The following RPS6KA5 variants were observed in gnomAD, a reference collection of about 807,000 sequenced individuals.
RPS6KA5 encodes the protein ribosomal protein S6 kinase A5, also known as ribosomal protein S6 kinase alpha-5.
In RPS6KA5, 27 loss-of-function variants were observed where a neutral mutation model predicts 85.5. That is an observed-to-expected ratio of 0.32 (90% CI 0.23 to 0.44). The LOEUF is 0.44. Among genes scored for constraint, RPS6KA5 ranks in the 20% least tolerant of loss-of-function variants. The pLI, the probability that RPS6KA5 is intolerant of heterozygous loss-of-function variation, is 1.00. For missense variants in RPS6KA5, 811 were observed against 980.9 expected (o/e 0.83, Z 2.31); for synonymous variants, 334 against 348.2 (o/e 0.96, Z 0.46).
chr14:91,030,694 A>G (rs1942708211), intron 1 of RPS6KA5, among the ~76,000 whole-genome samples: 1 of 151,594 alleles, frequency 6.6e-6, no homozygotes, highest in Non-Finnish European at 1.5e-5. Context: ...AACTTCATAA[A>G]AAGTATAATT....
intron 7 of RPS6KA5, among the ~76,000 whole-genome samples, chr14:90,913,944 T>C (rs551654330): frequency 6.6e-6 from 1 of 152,148 alleles, no homozygotes; most frequent in Non-Finnish European, 1.5e-5. Context: ...GACAAGATTA[T>C]CACCCAAAAT....
At chr14:90,998,366 G>T (rs1482744606) in intron 2 of RPS6KA5, among the ~76,000 whole-genome samples, 1 of 152,194 alleles carries the variant, frequency 6.6e-6, no homozygotes, top group Non-Finnish European at 1.5e-5. Context: ...AATATGGTAC[G>T]TGAGTTATAT....
intron 5 of RPS6KA5, among the ~76,000 whole-genome samples, chr14:90,927,725 C>A (rs1046744869): frequency 6.6e-6 from 1 of 151,950 alleles, no homozygotes; most frequent in Non-Finnish European, 1.5e-5. Flanking sequence ...ATGGAGAGAT[C>A]TTCAAGGAGA....
Position 90,849,213 on chromosome 14 carries a change from C to T in RPS6KA5, c.*22861G>A, listed in dbSNP as rs1190183442. The stretch of plus-strand genomic sequence containing the variant: ...TCTGAGGAGGATGAATTAGCTACTG[C>T]TTATCAGGCAACTAACAGAGCCGGC... On this transcript the variant is annotated 3_prime_UTR_variant, in exon 17 of 17. Coordinates refer to ENST00000614987, the MANE Select transcript of RPS6KA5 (RefSeq NM_004755.4). 6.6e-6 allele frequency: 1 copy of T among 152,184 alleles called. No homozygotes were observed. Among genetic ancestry groups the T allele is most frequent in the Non-Finnish European group, 1.5e-5 (1 of 68,024 alleles). 9.4% of individuals were successfully genotyped at this position (152,184 alleles called of 1,614,324 possible).
In RPS6KA5 at chr14:91,006,090, ACCCCCTTTCTAGTTCT is replaced by A. The variant is rs368764342; in HGVS notation, c.104-4947_104-4932del. 6.7e-3 allele frequency among the ~76,000 whole-genome samples: 1,026 copies of A among 152,166 alleles called. 54 individuals are homozygous for A. The East Asian group carries it at 0.1, about 15-fold the overall frequency. The stretch of plus-strand genomic sequence containing the variant: ...CCTATGCCAGGCATGCCTTTGCCCA[ACCCCCTTTCTAGTTCT>A]CCCCAAAGGTAAGAAACGTGACTAA... On this transcript the variant is annotated intron_variant, in intron 1 of 16. Transcript: ENST00000614987.
intron 1 of RPS6KA5, among the ~76,000 whole-genome samples, chr14:91,021,225 T>C (rs2041762774): frequency 6.6e-6 from 1 of 152,170 alleles, no homozygotes; most frequent in Admixed American, 6.5e-5. Context: ...TTCTGACTCT[T>C]CCACTTCTTC....
chr14:91,056,501 T>C (rs990840717), intron 1 of RPS6KA5, among the ~76,000 whole-genome samples: 2 of 152,138 alleles, frequency 1.3e-5, no homozygotes, highest in Non-Finnish European at 2.9e-5. Context: ...CTTTCCCATG[T>C]GGGAAAAGTG....
intron 1 of RPS6KA5, among the ~76,000 whole-genome samples, chr14:91,059,044 C>T (rs908500253): frequency 6.6e-6 from 1 of 152,116 alleles, no homozygotes; most frequent in Admixed American, 6.6e-5. Flanking sequence ...AAATAATAAC[C>T]CGGCCGGGCA....
intron 1 of RPS6KA5, among the ~76,000 whole-genome samples, chr14:91,032,059 C>T (rs906777587): frequency 1.3e-5 from 2 of 152,116 alleles, no homozygotes; most frequent in South Asian, 4.1e-4. Flanking sequence ...ACTTAAACAC[C>T]GTTCTCACCA....
Position 90,894,319 on chromosome 14 carries a change from A to T in RPS6KA5, c.1644+94T>A, listed in dbSNP as rs1267758663. ...TTTAACAGCCTTGAAAAGTAAAAAA[A>T]TAAGGAAACCTCCCCAGAAACTTCC... On this transcript the variant is annotated intron_variant, in intron 13 of 16. Coordinates refer to ENST00000614987, the MANE Select transcript of RPS6KA5 (RefSeq NM_004755.4). The T allele has an allele frequency of 2.9e-6, 4 of 1,400,630 alleles. No individual in the cohort carries two copies. The Admixed American group carries it at 1.1e-4, about 37-fold the overall frequency. The allele number at this position is 1,400,630 out of a possible 1,614,324, so 86.8% of individuals were successfully genotyped here.
At chr14:90,907,680 A>C (rs2035587221) in intron 7 of RPS6KA5, among the ~76,000 whole-genome samples, 1 of 152,244 alleles carries the variant, frequency 6.6e-6, no homozygotes, top group South Asian at 2.1e-4. Flanking sequence ...TGGGAACCCA[A>C]GAAAATGTTG....
At chr14:90,912,902 A>ATT (rs2035904217) in intron 7 of RPS6KA5, among the ~76,000 whole-genome samples, 2 of 100,150 alleles carry the variant, frequency 2.0e-5, no homozygotes, top group African/African-American at 8.2e-5. Flanking sequence ...CACATAAAGC[A>ATT]TCTTTTTTTT....
chr14:90,958,039 C>T (rs924061146), intron 3 of RPS6KA5, among the ~76,000 whole-genome samples: 1 of 152,026 alleles, frequency 6.6e-6, no homozygotes, highest in Non-Finnish European at 1.5e-5. Context: ...ACTCAGGAGG[C>T]TGAGCCAGGA....
In RPS6KA5 at chr14:90,858,104, G is replaced by A. The variant is rs562417670; in HGVS notation, c.*13970C>T. The A allele has an allele frequency of 1.3e-5, 2 of 152,094 alleles. No individual in the cohort carries two copies. The highest frequency in any genetic ancestry group is 3.9e-4 in the East Asian group (2 of 5,182). 9.4% of individuals were successfully genotyped at this position (152,094 alleles called of 1,614,324 possible). A position where few individuals can be genotyped will look rare whatever the true frequency, so the allele number is the denominator to read the frequency against. On this transcript the variant is annotated 3_prime_UTR_variant, in exon 17 of 17. Coordinates refer to ENST00000614987, the MANE Select transcript of RPS6KA5 (RefSeq NM_004755.4). Reference sequence around the variant, plus strand: ...GACTAGCCCTCCTACTGAAAACAACGATGAAAGCTATATTAACCCTTTTCC... The same window carrying A: ...GACTAGCCCTCCTACTGAAAACAACAATGAAAGCTATATTAACCCTTTTCC...
intron 2 of RPS6KA5, among the ~76,000 whole-genome samples, chr14:90,991,008 A>G (rs2040284155): frequency 6.6e-6 from 1 of 152,182 alleles, no homozygotes; most frequent in Non-Finnish European, 1.5e-5. Context: ...AAACCTGAAC[A>G]TGTACCCCCA....
chr14:90,937,546 T>C (rs978955606), intron 5 of RPS6KA5, among the ~76,000 whole-genome samples: 17 of 152,170 alleles, frequency 1.1e-4, no homozygotes, highest in African/African-American at 3.6e-4. Flanking sequence ...AGGCAGAGTG[T>C]ATCAGTCCAT....
At chr14:91,024,694 G>C (rs1017477435) in intron 1 of RPS6KA5, among the ~76,000 whole-genome samples, 2 of 152,082 alleles carry the variant, frequency 1.3e-5, no homozygotes, top group African/African-American at 4.8e-5. Context: ...CTTCTCAGAG[G>C]CTGCCCCTTC....
rs561557179 is a variant in RPS6KA5, at chr14:91,030,907, T to G, written c.103+29425A>C. Among the ~76,000 whole-genome samples the G allele has an allele frequency of 2.8e-4, 42 of 152,098 alleles. 1 individual carries two copies. In the South Asian group the frequency reaches 8.3e-3, roughly 30 times the overall value. Reference sequence around the variant, plus strand: ...TAAACAACAGGAGATTAAAAAAATTTAAAAACACAGAATAATCTTGGAAAT... The same window carrying G: ...TAAACAACAGGAGATTAAAAAAATTGAAAAACACAGAATAATCTTGGAAAT... On this transcript the variant is annotated intron_variant, in intron 1 of 16. Transcript: ENST00000614987.
At chr14:90,962,710 G>A (rs377244392) in intron 3 of RPS6KA5, among the ~76,000 whole-genome samples, 6 of 152,162 alleles carry the variant, frequency 3.9e-5, no homozygotes, top group Middle Eastern at 3.4e-3. Flanking sequence ...ATTTTGGCAC[G>A]ATTCCAAAAT....
Sources: allele counts gnomAD v4.1 joint callset (sites outside exome capture counted in the v4.1 genomes callset), GRCh38; gene constraint gnomAD v4.1.1; transcripts MANE v1.5; gene names NCBI Gene and HGNC (gene_info 2026-07-23, HGNC 2026-07-21).